Variants in OLA1 observed in about 807,000 individuals in gnomAD.
OLA1 encodes obg-like ATPase 1.
A neutral mutation model predicts 48.4 loss-of-function variants in OLA1; 14 were observed. The ratio of observed to expected loss-of-function variants is 0.29; its 90% CI spans 0.19 to 0.45. The LOEUF (loss-of-function observed/expected upper bound fraction) is 0.45. OLA1 is among the 20% of genes least tolerant of loss of function. The pLI is 1.00. For missense variants in OLA1, 325 were observed against 467.1 expected, an observed-to-expected ratio of 0.70 and a Z score of 2.80; for synonymous variants, 127 against 150.4, an observed-to-expected ratio of 0.84 and a Z score of 1.14.
At chr2:174,165,509 G>A (rs1007873786) in intron 4 of OLA1, among the ~76,000 whole-genome samples, 2 of 152,176 alleles carry the variant, frequency 1.3e-5, no homozygotes, top group African/African-American at 4.8e-5. Flanking sequence ...ACTGTGAAGC[G>A]AAATTTCTGA....
At position 174,100,773 on chromosome 2, in the gene OLA1, C is replaced by T. The variant is rs115221898; in HGVS notation, c.729-18709G>A. ...AAATTTTATATGCACATATAACTAT[C>T]CCCCCACAAAGATATGGAACATTTC... On this transcript the variant is annotated intron_variant, in intron 7 of 10. Transcript: ENST00000284719. 2.3e-3 allele frequency among the ~76,000 whole-genome samples: 346 copies of T among 152,230 alleles called. 2 individuals are homozygous for T. Among genetic ancestry groups the T allele is most frequent in the Non-Finnish European group, 3.7e-3 (252 of 68,008 alleles).
intron 4 of OLA1, among the ~76,000 whole-genome samples, chr2:174,182,608 G>A (rs1317415007): frequency 6.6e-6 from 1 of 152,046 alleles, no homozygotes; most frequent in East Asian, 1.9e-4. Context: ...GTTGAGGAAG[G>A]TGCACACATA....
intron 7 of OLA1, among the ~76,000 whole-genome samples, chr2:174,090,496 G>A (rs1462848300): frequency 6.6e-6 from 1 of 152,238 alleles, no homozygotes; most frequent in Non-Finnish European, 1.5e-5. Context: ...GGGGGCATGT[G>A]AACCAGTTCT....
At chr2:174,203,554 G>A (rs1446344364) in intron 4 of OLA1, among the ~76,000 whole-genome samples, 3 of 149,566 alleles carry the variant, frequency 2.0e-5, no homozygotes, top group Non-Finnish European at 4.4e-5. Context: ...TCTTGCCTCA[G>A]CCTCCCAAAA....
At chr2:174,161,379 G>T (rs745390907) in intron 4 of OLA1, among the ~76,000 whole-genome samples, 1 of 151,922 alleles carries the variant, frequency 6.6e-6, no homozygotes, top group Non-Finnish European at 1.5e-5. Flanking sequence ...AATACACAGT[G>T]GCCTAGAAAT....
intron 10 of OLA1, among the ~76,000 whole-genome samples, chr2:174,076,624 A>G (rs991389039): frequency 3.9e-5 from 6 of 152,128 alleles, no homozygotes; most frequent in Admixed American, 6.6e-5. Flanking sequence ...CCTAGTAAGC[A>G]TATTTTCAAT....
At chr2:174,198,007 A>T (rs781249744) in intron 4 of OLA1, among the ~76,000 whole-genome samples, 1 of 152,246 alleles carries the variant, frequency 6.6e-6, no homozygotes, top group Non-Finnish European at 1.5e-5. Flanking sequence ...CTCTGTCGCC[A>T]GACTGGAGTG....
At chr2:174,090,170 T>C (rs1685082352) in intron 7 of OLA1, among the ~76,000 whole-genome samples, 1 of 152,172 alleles carries the variant, frequency 6.6e-6, no homozygotes, top group South Asian at 2.1e-4. Flanking sequence ...TGTGTGTATG[T>C]GTAAGAAAAT....
intron 5 of OLA1, among the ~76,000 whole-genome samples, chr2:174,127,443 T>A (rs1027345959): frequency 1.3e-5 from 2 of 152,232 alleles, no homozygotes; most frequent in Non-Finnish European, 2.9e-5. Flanking sequence ...TAGTAATTTT[T>A]CTTTGCAGAC....
chr2:174,194,639 T>A (rs1049059550), intron 4 of OLA1, among the ~76,000 whole-genome samples: 27 of 152,308 alleles, frequency 1.8e-4, no homozygotes, highest in South Asian at 8.3e-4. Flanking sequence ...TAAATTAACA[T>A]GTGCCCAATT....
intron 4 of OLA1, among the ~76,000 whole-genome samples, chr2:174,188,858 T>C (rs1009988957): frequency 2.0e-5 from 3 of 152,230 alleles, no homozygotes; most frequent in African/African-American, 7.2e-5. Flanking sequence ...ATACCCAAGA[T>C]ATCTCATTAT....
intron 7 of OLA1, among the ~76,000 whole-genome samples, chr2:174,115,843 C>T (rs191161260): frequency 2.0e-5 from 3 of 152,130 alleles, no homozygotes; most frequent in Non-Finnish European, 2.9e-5. Flanking sequence ...TTTTTATTCA[C>T]GGTCCTAATC....
chr2:174,223,635 A>G (rs1688552892), intron 3 of OLA1, among the ~76,000 whole-genome samples: 1 of 152,156 alleles, frequency 6.6e-6, no homozygotes, highest in Non-Finnish European at 1.5e-5. Context: ...CACTTTACAG[A>G]TAAGGAAATT....
At position 174,187,426 on chromosome 2, in the gene OLA1, G is replaced by A. The variant is rs111503197; in HGVS notation, c.373+35607C>T. ...CATTTGCTGTGAGAGCCAAAAGCTT[G>A]CATCCTTGCTATTTTCAAGGAGTGA... On this transcript the variant is annotated intron_variant, in intron 4 of 10. Coordinates refer to ENST00000284719, the MANE Select transcript of OLA1 (RefSeq NM_013341.5). Among the ~76,000 whole-genome samples the A allele has an allele frequency of 5.4e-3, 819 of 152,274 alleles. 10 individuals are homozygous for A. The Middle Eastern group carries it at 0.065, about 12-fold the overall frequency.
At chr2:174,155,104 C>A (rs1250925781) in intron 4 of OLA1, among the ~76,000 whole-genome samples, 3 of 152,160 alleles carry the variant, frequency 2.0e-5, no homozygotes, top group Non-Finnish European at 4.4e-5. Flanking sequence ...CCATTCTATT[C>A]ATCTGACCTA....
At chr2:174,217,567 G>A (rs1688390727) in intron 4 of OLA1, among the ~76,000 whole-genome samples, 1 of 152,074 alleles carries the variant, frequency 6.6e-6, no homozygotes, top group Non-Finnish European at 1.5e-5. Context: ...TGTGCAAAAA[G>A]TGTACAGTCA....
At chr2:174,199,477 T>A (rs1687946031) in intron 4 of OLA1, among the ~76,000 whole-genome samples, 1 of 152,192 alleles carries the variant, frequency 6.6e-6, no homozygotes, top group Non-Finnish European at 1.5e-5. Context: ...GGATTCAGAC[T>A]TTCAAGTAAA....
rs71021680 is a variant in OLA1 at position 174,223,765 on chromosome 2, C to CAAAAAAA, written c.246-612_246-606dup. On this transcript the variant is annotated intron_variant, in intron 3 of 10. Coordinates refer to ENST00000284719, the MANE Select transcript of OLA1 (RefSeq NM_013341.5). ...TTTGATCACCCACATGTTATATAGA[C>CAAAAAAA]AAAAAAAAAAAAAAAAAAAAAAAGC... 1.5e-4 allele frequency among the ~76,000 whole-genome samples: 11 copies of CAAAAAAA among 73,344 alleles called. 1 individual carries two copies. Among genetic ancestry groups the CAAAAAAA allele is most frequent in the East Asian group, 3.4e-4 (1 of 2,942 alleles). The allele number at this position is 73,344 out of a possible 152,430, so 48.1% of individuals were successfully genotyped here.
At chr2:174,212,046 T>C (rs1011288361) in intron 4 of OLA1, among the ~76,000 whole-genome samples, 2 of 152,198 alleles carry the variant, frequency 1.3e-5, no homozygotes, top group Non-Finnish European at 2.9e-5. Flanking sequence ...TATTGAGTAC[T>C]ATTCCCAACT....
Sources: gnomAD v4.1 joint callset for allele counts (sites outside exome capture counted in the v4.1 genomes callset) on GRCh38, gnomAD v4.1.1 for gene constraint, MANE v1.5 for transcripts, NCBI Gene and HGNC (gene_info 2026-07-23, HGNC 2026-07-21) for gene names.